Variants in TRIP12 observed in about 807,000 individuals in gnomAD.
TRIP12 encodes thyroid hormone receptor interactor 12.
A neutral mutation model predicts 244.2 loss-of-function variants in TRIP12; 25 were observed. The ratio of observed to expected loss-of-function variants is 0.10; its 90% CI spans 0.07 to 0.14. TRIP12 has a LOEUF of 0.14. TRIP12 is among the 10% of genes least tolerant of loss of function. The probability of loss-of-function intolerance (pLI) is 1.00; values close to 1 mark genes in which losing one functional copy is unlikely to be tolerated. For missense variants in TRIP12, 1,677 were observed against 2,486.4 expected (o/e 0.67, Z 6.92); for synonymous variants, 905 against 873.1 (o/e 1.04, Z -0.64).
intron 1 of TRIP12, among the ~76,000 whole-genome samples, chr2:229,916,523 C>A (rs1336667789): frequency 8.6e-6 from 1 of 116,794 alleles, no homozygotes; most frequent in Non-Finnish European, 1.9e-5. Flanking sequence ...CCACTGCACT[C>A]CAGCCTGGGT....
chr2:229,805,050 C>T (rs2045499301), intron 18 of TRIP12, among the ~76,000 whole-genome samples: 1 of 152,084 alleles, frequency 6.6e-6, no homozygotes, highest in Admixed American at 6.5e-5. Flanking sequence ...GGACTACAGG[C>T]GCCCACCACC....
intron 30 of TRIP12, among the ~76,000 whole-genome samples, chr2:229,790,545 G>A (rs1482654422): frequency 6.6e-6 from 1 of 151,814 alleles, no homozygotes; most frequent in East Asian, 1.9e-4. Flanking sequence ...GGGGGAGGGG[G>A]GGGTGTCCTC....
chr2:229,899,528 T>C (rs564718840), intron 1 of TRIP12, among the ~76,000 whole-genome samples: 1 of 152,144 alleles, frequency 6.6e-6, no homozygotes, highest in African/African-American at 2.4e-5. Flanking sequence ...ACTGGAATCT[T>C]TGGTAGGATG....
intron 1 of TRIP12, among the ~76,000 whole-genome samples, chr2:229,921,013 T>G (rs915967246): frequency 2.2e-4 from 34 of 151,970 alleles, no homozygotes; most frequent in African/African-American, 7.7e-4. Context: ...GGGGTGACAA[T>G]TGGCCCACCT....
At chr2:229,783,587 AG>A (rs2039001898) in intron 34 of TRIP12, among the ~76,000 whole-genome samples, 1 of 152,194 alleles carries the variant, frequency 6.6e-6, no homozygotes, top group African/African-American at 2.4e-5. Flanking sequence ...AATATGTGCA[AG>A]AAAGACCTCT....
intron 4 of TRIP12, among the ~76,000 whole-genome samples, chr2:229,847,506 C>T (rs1347032422): frequency 6.6e-6 from 1 of 152,190 alleles, no homozygotes; most frequent in African/African-American, 2.4e-5. Context: ...TTAAAACAAT[C>T]TGAGACATAA....
intron 8 of TRIP12, among the ~76,000 whole-genome samples, chr2:229,823,278 A>G (rs1204364424): frequency 6.6e-6 from 1 of 152,232 alleles, no homozygotes; most frequent in Non-Finnish European, 1.5e-5. Flanking sequence ...CTTAAACCCT[A>G]TATAGTCAAG....
intron 25 of TRIP12, 40 bp from the exon 26 acceptor site, chr2:229,795,370 T>C (rs768511475): frequency 6.4e-6 from 10 of 1,569,130 alleles, no homozygotes; most frequent in South Asian, 1.2e-5. Flanking sequence ...ACAAAGCCTT[T>C]TCAAAACAAA....
intron 6 of TRIP12, among the ~76,000 whole-genome samples, chr2:229,834,738 C>T (rs1169563471): frequency 6.6e-6 from 1 of 151,226 alleles, no homozygotes; most frequent in Non-Finnish European, 1.5e-5. Context: ...CCAACCTGGG[C>T]AACAGAGAGA....
At chr2:229,843,768 A>G (rs1411695067) in intron 4 of TRIP12, among the ~76,000 whole-genome samples, 2 of 152,112 alleles carry the variant, frequency 1.3e-5, no homozygotes, top group African/African-American at 2.4e-5. Context: ...ATGCATGTCT[A>G]TAGTCCCAGC....
chr2:229,904,921 G>C (rs34126258), intron 1 of TRIP12, among the ~76,000 whole-genome samples: 38,304 of 152,084 alleles, frequency 0.25, 5,979 homozygotes, highest in Middle Eastern at 0.43. Flanking sequence ...ACTGGATGTG[G>C]AGTATAGGAG....
At chr2:229,865,244 T>C (rs538528555) in intron 2 of TRIP12, among the ~76,000 whole-genome samples, 1 of 144,746 alleles carries the variant, frequency 6.9e-6, no homozygotes, top group South Asian at 2.1e-4. Flanking sequence ...GCCTAGCAGG[T>C]CAAAGCTGCA....
At chr2:229,792,294 C>CACA in intron 27 of TRIP12, 68 bp from the exon 28 acceptor site, 1 of 1,363,252 alleles carries the variant, frequency 7.3e-7, no homozygotes, top group Non-Finnish European at 1.0e-6. Context: ...ATCCTGTATA[C>CACA]ACACTGGTTA....
chr2:229,790,135 T>C (rs1050318502), intron 30 of TRIP12, among the ~76,000 whole-genome samples: 5 of 152,202 alleles, frequency 3.3e-5, no homozygotes, highest in African/African-American at 1.2e-4. Context: ...ATATCCAGTT[T>C]ATAACTAGAT....
chr2:229,801,426 A>G (rs1004125195), intron 21 of TRIP12, among the ~76,000 whole-genome samples: 1 of 152,198 alleles, frequency 6.6e-6, no homozygotes, highest in African/African-American at 2.4e-5. Context: ...CCTGCAGATT[A>G]TAAGATTAAA....
intron 27 of TRIP12, 108 bp from the exon 28 acceptor site, chr2:229,792,334 G>T: frequency 1.9e-6 from 2 of 1,055,986 alleles, no homozygotes; most frequent in Non-Finnish European, 2.8e-6. Flanking sequence ...CATATAGGTT[G>T]AGTATCCCTT....
intron 17 of TRIP12, 194 bp downstream of exon 17, chr2:229,807,514 G>A (rs2046168778): frequency 6.2e-6 from 4 of 641,858 alleles, no homozygotes; most frequent in Non-Finnish European, 1.1e-5. Flanking sequence ...GTTAGCAGCA[G>A]AAGCAGGACT....
intron 8 of TRIP12, among the ~76,000 whole-genome samples, chr2:229,823,273 A>T (rs1465780365): frequency 1.3e-5 from 2 of 152,100 alleles, no homozygotes; most frequent in African/African-American, 4.8e-5. Flanking sequence ...CATCACTTAA[A>T]CCCTATATAG....
intron 33 of TRIP12, 87 bp downstream of exon 33, chr2:229,787,418 C>A (rs2040383962): frequency 7.2e-7 from 1 of 1,394,626 alleles, no homozygotes; most frequent in Non-Finnish European, 9.7e-7. Flanking sequence ...CCAAGACCAA[C>A]ATGCATATTT....
Sources: gnomAD v4.1 joint callset for allele counts (sites outside exome capture counted in the v4.1 genomes callset) on GRCh38, gnomAD v4.1.1 for gene constraint, MANE v1.5 for transcripts, NCBI Gene and HGNC (gene_info 2026-07-23, HGNC 2026-07-21) for gene names.